Variants in PSMD6 observed in about 807,000 individuals in gnomAD.
The protein encoded by PSMD6 is proteasome 26S subunit, non-ATPase 6.
Under a neutral mutation model 44.9 loss-of-function variants are expected in PSMD6, and 7 were observed. The ratio of observed to expected loss-of-function variants is 0.16; its 90% CI spans 0.09 to 0.29. The LOEUF is 0.29. Ranked by LOEUF, PSMD6 falls within the 10% of genes least tolerant of loss-of-function variation. The pLI is 1.00. For synonymous variants in PSMD6, 184 were observed against 172.7 expected (o/e 1.07, Z -0.51); for missense variants, 420 against 482.6 (o/e 0.87, Z 1.21).
intron 1 of PSMD6, chr3:64,022,755 G>T: frequency 6.5e-7 from 1 of 1,536,416 alleles, no homozygotes; most frequent in Non-Finnish European, 8.7e-7. Context: ...TAGGGCTGGA[G>T]GGAGGGCAAT....
At chr3:64,022,759 G>A (rs1269752650) in intron 1 of PSMD6, 123 of 1,536,268 alleles carry the variant, frequency 8.0e-5, no homozygotes, top group Non-Finnish European at 1.0e-4. Flanking sequence ...GCTGGAGGGA[G>A]GGCAATCCTC....
upstream of PSMD6, chr3:64,023,668 C>G: frequency 1.4e-6 from 2 of 1,472,994 alleles, no homozygotes; most frequent in South Asian, 1.4e-5. Context: ...GTGGGTGCAG[C>G]CCAACTCAAA....
At chr3:64,014,758 A>G (rs1385323232) in intron 5 of PSMD6, 1 of 152,230 alleles carries the variant, frequency 6.6e-6, no homozygotes, top group Non-Finnish European at 1.5e-5. Flanking sequence ...TATGCCTATT[A>G]AACAGCCAAG....
chr3:64,022,811 G>A, intron 1 of PSMD6: 1 of 1,536,026 alleles, frequency 6.5e-7, no homozygotes, highest in Non-Finnish European at 8.7e-7. Context: ...TCTTCAAACA[G>A]GGAAAGACTT....
At chr3:64,017,884 G>A (rs922298047) in intron 5 of PSMD6, among the ~76,000 whole-genome samples, 1 of 152,134 alleles carries the variant, frequency 6.6e-6, no homozygotes, top group Non-Finnish European at 1.5e-5. Context: ...AAAGACCCCT[G>A]GGTCAACTTG....
At chr3:64,021,233 C>T (rs2076125172) in intron 2 of PSMD6, among the ~76,000 whole-genome samples, 1 of 152,184 alleles carries the variant, frequency 6.6e-6, no homozygotes, top group African/African-American at 2.4e-5. Context: ...TGTCCAACAA[C>T]AGCTGAACAG....
In PSMD6 at chr3:64,011,105, T is replaced by C. The variant is rs1576021457; in HGVS notation, c.996-150A>G. On this transcript the variant is annotated intron_variant, in intron 6 of 7. Coordinates refer to ENST00000295901, the MANE Select transcript of PSMD6 (RefSeq NM_014814.3). ...CACATGCAGTAGTTGACGTTGTCCC[T>C]CCTATACTGCAGGCTTTAAGTCATC... 1.8e-5 allele frequency: 11 copies of C among 602,892 alleles called. No individual in the cohort carries two copies. In the South Asian group the frequency reaches 2.4e-4, roughly 13 times the overall value. 37.3% of individuals were successfully genotyped at this position (602,892 alleles called of 1,614,324 possible).
At chr3:64,013,395 G>T (rs1307257157) in intron 6 of PSMD6, 44 bp downstream of exon 6, 1 of 1,467,852 alleles carries the variant, frequency 6.8e-7, no homozygotes, top group Non-Finnish European at 9.1e-7. Flanking sequence ...TATTTTAAAA[G>T]GCAACTTTAA....
chr3:64,010,832 A>G, intron 7 of PSMD6, 46 bp downstream of exon 7: 1 of 1,573,520 alleles, frequency 6.4e-7, no homozygotes, highest in Non-Finnish European at 8.7e-7. Flanking sequence ...TAGTTGACCT[A>G]CTTTTAAAAT....
At chr3:64,023,533 C>CTACA, upstream of PSMD6, 1 of 1,411,164 alleles carries the variant, frequency 7.1e-7, no homozygotes, top group Non-Finnish European at 9.3e-7. Flanking sequence ...GGCTTCCGGT[C>CTACA]CCGTCTCCGC....
At chr3:64,012,916 A>G (rs1421189319) in intron 6 of PSMD6, 1 of 152,246 alleles carries the variant, frequency 6.6e-6, no homozygotes, top group Non-Finnish European at 1.5e-5. Context: ...TACTACTACA[A>G]TGAAAGTGTG....
intron 6 of PSMD6, chr3:64,012,759 G>T (rs1396177170): frequency 6.6e-6 from 1 of 152,262 alleles, no homozygotes; most frequent in Non-Finnish European, 1.5e-5. Context: ...ACTCCATATG[G>T]CTGACTCCTC....
At chr3:64,023,543 C>A (rs2076169753), upstream of PSMD6, 2 of 1,399,960 alleles carry the variant, frequency 1.4e-6, no homozygotes, top group Non-Finnish European at 1.9e-6. Context: ...CCCGTCTCCG[C>A]CGGCAGCGTC....
At position 64,018,915 on chromosome 3, in the gene PSMD6, G is replaced by A; in HGVS notation, c.620C>T (p.Thr207Ile). 6.3e-7 allele frequency: 1 copy of A among 1,598,142 alleles called. No individual in the cohort carries two copies. The highest frequency in any genetic ancestry group is 8.6e-7 in the Non-Finnish European group (1 of 1,165,480). The change falls in exon 4 of 8, where the codon ACA becomes ATA. Residue 207 changes from threonine to isoleucine, a missense_variant. This residue lies in a region of PSMD6 where 216 missense variants were observed against 227.0 expected (regional missense o/e 0.95). Transcript: ENST00000295901. ...ATCCATGAGTTCATAGGATGTAAAT[G>A]TTGAAACAGTGTCAAGGAAGAGTTC... ...AAELFLDTVS[T>I]FTSYELMDYK...
At chr3:64,023,054 G>T in intron 1 of PSMD6, 1 of 1,428,986 alleles carries the variant, frequency 7.0e-7, no homozygotes, top group South Asian at 1.5e-5. Flanking sequence ...CCCTTACAGG[G>T]GAAGGCGGCA....
At chr3:64,023,054 G>C (rs917596262) in intron 1 of PSMD6, 8 of 1,428,986 alleles carry the variant, frequency 5.6e-6, no homozygotes, top group Middle Eastern at 2.6e-4. Context: ...CCCTTACAGG[G>C]GAAGGCGGCA....
At chr3:64,011,005 GA>G in intron 6 of PSMD6, 50 bp from the exon 7 acceptor site, 4 of 1,436,922 alleles carry the variant, frequency 2.8e-6, no homozygotes, top group Non-Finnish European at 3.8e-6. Flanking sequence ...AAAATTCTTA[GA>G]AAAATGCAAA....
rs73834179 is a variant in PSMD6, at chr3:64,019,063, T to G, written c.498-26A>C. On this transcript the variant is annotated intron_variant, in intron 3 of 7. Transcript: ENST00000295901. ...CTATGAAATAAAAACAGTAAGATCA[T>G]AGTCTGGAAACAGACAAGGCCACGT... 7.1e-4 allele frequency: 1,107 copies of G among 1,565,106 alleles called. 6 individuals carry two copies. In the African/African-American group the frequency reaches 0.013, roughly 19 times the overall value.
intron 5 of PSMD6, chr3:64,014,250 A>C (rs776385839): frequency 4.6e-5 from 7 of 152,202 alleles, no homozygotes; most frequent in Non-Finnish European, 8.8e-5. Flanking sequence ...ATCCACACAA[A>C]TATAAATTAT....
Sources: gnomAD v4.1 joint callset for allele counts (sites outside exome capture counted in the v4.1 genomes callset) on GRCh38, gnomAD v4.1.1 for gene constraint, gnomAD v4.1.1 regional missense constraint, MANE v1.5 for transcripts, NCBI Gene and HGNC (gene_info 2026-07-23, HGNC 2026-07-21) for gene names.